Variants in CDRT4 observed in about 807,000 individuals in gnomAD.
The protein encoded by CDRT4 is CMT1A duplicated region transcript 4.
For synonymous variants in CDRT4, 64 were observed against 69.6 expected (o/e 0.92, Z 0.40); for missense variants, 167 against 193.1 (o/e 0.87, Z 0.80).
chr17:15,465,595 CAG>C (rs1567616023), intron 1 of CDRT4, among the ~76,000 whole-genome samples: 1 of 152,076 alleles, frequency 6.6e-6, no homozygotes, highest in East Asian at 1.9e-4. Context: ...CACCAACACA[CAG>C]ACACACATAC....
At chr17:15,446,802 GA>G (rs1979046722) in intron 2 of CDRT4, among the ~76,000 whole-genome samples, 1 of 152,066 alleles carries the variant, frequency 6.6e-6, no homozygotes, top group Non-Finnish European at 1.5e-5. Flanking sequence ...GGAAGGAGGG[GA>G]TATGTTGCTT....
intron 2 of CDRT4, chr17:15,444,152 T>C: frequency 8.8e-6 from 11 of 1,256,590 alleles, no homozygotes; most frequent in Non-Finnish European, 1.1e-5. Flanking sequence ...ATGGTATATA[T>C]GTCTCTGAAA....
chr17:15,449,974 A>G (rs2150791320), intron 2 of CDRT4, among the ~76,000 whole-genome samples: 1 of 152,290 alleles, frequency 6.6e-6, no homozygotes, highest in South Asian at 2.1e-4. Context: ...GTGGACACTT[A>G]GGTTGATTCC....
At chr17:15,461,744 T>C (rs1319168200) in intron 1 of CDRT4, among the ~76,000 whole-genome samples, 2 of 152,110 alleles carry the variant, frequency 1.3e-5, no homozygotes, top group Non-Finnish European at 2.9e-5. Context: ...TGTGCGCCAT[T>C]TGCTTTGATA....
intron 1 of CDRT4, among the ~76,000 whole-genome samples, chr17:15,454,208 G>A (rs917068578): frequency 2.0e-5 from 3 of 152,036 alleles, no homozygotes; most frequent in Non-Finnish European, 4.4e-5. Flanking sequence ...TCCCTCCCCA[G>A]CCACACTACT....
chr17:15,457,008 C>CGA, intron 1 of CDRT4, among the ~76,000 whole-genome samples: 1 of 152,186 alleles, frequency 6.6e-6, no homozygotes, highest in East Asian at 1.9e-4. Context: ...CACTGCTCAG[C>CGA]ACCAAGAGAT....
intron 2 of CDRT4, among the ~76,000 whole-genome samples, chr17:15,449,289 T>C (rs1022184536): frequency 1.3e-5 from 2 of 152,236 alleles, no homozygotes; most frequent in Non-Finnish European, 2.9e-5. Flanking sequence ...AAAACCCATA[T>C]GCATTAGGTA....
At chr17:15,463,901 A>AG (rs1450211498) in intron 1 of CDRT4, among the ~76,000 whole-genome samples, 1 of 152,162 alleles carries the variant, frequency 6.6e-6, no homozygotes, top group African/African-American at 2.4e-5. Context: ...CTGGTGGGGA[A>AG]GTCTGAGCTG....
At chr17:15,456,548 C>A (rs1300799636) in intron 1 of CDRT4, among the ~76,000 whole-genome samples, 1 of 146,958 alleles carries the variant, frequency 6.8e-6, no homozygotes, top group African/African-American at 2.7e-5. Flanking sequence ...AGGAAGATTG[C>A]CGCTAATCTT....
intron 1 of CDRT4, among the ~76,000 whole-genome samples, chr17:15,465,100 C>A (rs1979947448): frequency 6.9e-6 from 1 of 143,922 alleles, no homozygotes; most frequent in African/African-American, 2.7e-5. Context: ...ACAACACAGA[C>A]ACACACCAAC....
At chr17:15,447,445 C>T (rs1462079526) in intron 2 of CDRT4, among the ~76,000 whole-genome samples, 2 of 152,220 alleles carry the variant, frequency 1.3e-5, no homozygotes, top group African/African-American at 4.8e-5. Context: ...GAGTGAAGTG[C>T]TTCCCCACTC....
rs74783273 is a variant in CDRT4 at position 15,464,349 on chromosome 17, G to A, written c.-130+3111C>T. ...GAGACCAGCACCTGCCCTAGGCTTG[G>A]CCCCTGGCACAAGTCAAAGGAGGAA... On this transcript the variant is annotated intron_variant, in intron 1 of 3. Transcript: ENST00000619038. The surrounding 1 kb of genome is among the most constrained non-coding windows in gnomAD (Gnocchi z 4.5). Among the ~76,000 whole-genome samples the A allele has an allele frequency of 4.7e-3, 718 of 152,202 alleles. 4 individuals are homozygous for A. The highest frequency in any genetic ancestry group is 0.016 in the African/African-American group (682 of 41,528).
intron 2 of CDRT4, among the ~76,000 whole-genome samples, chr17:15,444,746 G>GA (rs1978941589): frequency 4.0e-5 from 6 of 149,518 alleles, no homozygotes; most frequent in South Asian, 2.1e-4. Context: ...GAGAGAGAGA[G>GA]GTCCAGAAGA....
intron 1 of CDRT4, among the ~76,000 whole-genome samples, chr17:15,463,774 C>T (rs923707420): frequency 6.6e-6 from 1 of 152,182 alleles, no homozygotes; most frequent in African/African-American, 2.4e-5. Context: ...TTCTGAGCAT[C>T]CTCCCGCCTG....
At chr17:15,460,591 C>T (rs1979701428) in intron 1 of CDRT4, among the ~76,000 whole-genome samples, 1 of 152,164 alleles carries the variant, frequency 6.6e-6, no homozygotes, top group South Asian at 2.1e-4. Flanking sequence ...CAGAATTCCA[C>T]GTGATCAAAC....
At chr17:15,456,459 T>G (rs1277330985) in intron 1 of CDRT4, among the ~76,000 whole-genome samples, 1 of 152,102 alleles carries the variant, frequency 6.6e-6, no homozygotes, top group Non-Finnish European at 1.5e-5. Context: ...CAGATCAAAG[T>G]GTCAGGTTCT....
intron 1 of CDRT4, among the ~76,000 whole-genome samples, chr17:15,459,449 T>C (rs58101661): frequency 2.6e-4 from 37 of 139,916 alleles, no homozygotes; most frequent in Middle Eastern, 3.3e-3. Flanking sequence ...CTTTTTTTTT[T>C]TTTTTTTTTT....
chr17:15,448,040 C>G (rs1348878550), intron 2 of CDRT4, among the ~76,000 whole-genome samples: 1 of 152,120 alleles, frequency 6.6e-6, no homozygotes, highest in Non-Finnish European at 1.5e-5. Context: ...AATATCTAAT[C>G]AATCAGAAAA....
chr17:15,439,653 C>T (rs994302032), intron 3 of CDRT4, among the ~76,000 whole-genome samples: 10 of 152,224 alleles, frequency 6.6e-5, no homozygotes, highest in Non-Finnish European at 1.0e-4. Context: ...AGTGGCTGCC[C>T]GCACTATTCA....
Sources: gnomAD v4.1 joint callset for allele counts (sites outside exome capture counted in the v4.1 genomes callset) on GRCh38, gnomAD v4.1.1 for gene constraint, Gnocchi (gnomAD v3.1) non-coding constraint, MANE v1.5 for transcripts, NCBI Gene and HGNC (gene_info 2026-07-23, HGNC 2026-07-21) for gene names.